The following VPS53 variants were observed in gnomAD, a reference collection of about 807,000 sequenced individuals.
VPS53 encodes the protein VPS53 subunit of GARP complex.
In VPS53, 70 loss-of-function variants were observed where a neutral mutation model predicts 107.0. That is an observed-to-expected ratio of 0.65 (90% confidence interval 0.54 to 0.80). The LOEUF (loss-of-function observed/expected upper bound fraction) is 0.80, where lower values mean the gene tolerates loss of function less well. VPS53 is among the 30% of genes least tolerant of loss of function. The pLI is 0.00. For missense variants in VPS53, 917 were observed against 1,049.4 expected, an observed-to-expected ratio of 0.87 and a Z score of 1.74; for synonymous variants, 409 against 393.3, an observed-to-expected ratio of 1.04 and a Z score of -0.47.
intron 13 of VPS53, among the ~76,000 whole-genome samples, chr17:578,680 C>T (rs1302539798): frequency 6.6e-6 from 1 of 151,436 alleles, no homozygotes; most frequent in Admixed American, 6.6e-5. Context: ...TCCCTGAGAA[C>T]CTAATTCCTT....
chr17:626,251 GATATA>G (rs1426256009), intron 10 of VPS53, among the ~76,000 whole-genome samples: 2 of 151,888 alleles, frequency 1.3e-5, no homozygotes, highest in Non-Finnish European at 2.9e-5. Flanking sequence ...CTTTGTCATA[GATATA>G]CTGATTTAAC....
chr17:622,160 C>T (rs997080044), intron 11 of VPS53, among the ~76,000 whole-genome samples: 4 of 151,548 alleles, frequency 2.6e-5, no homozygotes, highest in African/African-American at 9.7e-5. Context: ...TGCAGTGGGC[C>T]GATATCGCCC....
intron 4 of VPS53, among the ~76,000 whole-genome samples, chr17:679,064 A>G (rs1972284493): frequency 6.6e-6 from 1 of 152,226 alleles, no homozygotes; most frequent in South Asian, 2.1e-4. Context: ...CAGAGATGAA[A>G]GCAGTAAAAT....
At chr17:705,302 CTTAGGGCCAGGCACAG>C (rs1292210930) in intron 2 of VPS53, among the ~76,000 whole-genome samples, 1 of 151,984 alleles carries the variant, frequency 6.6e-6, no homozygotes, top group East Asian at 1.9e-4. Context: ...AAATTCTTAA[CTTAGGGCCAGGCACAG>C]TGGCTCAAAT....
chr17:601,185 C>T (rs1968308134), intron 12 of VPS53: 1 of 152,224 alleles, frequency 6.6e-6, no homozygotes, highest in African/African-American at 2.4e-5. Context: ...TTGCTCTAAC[C>T]TCCCTTGTCA....
intron 5 of VPS53, among the ~76,000 whole-genome samples, chr17:658,991 A>G (rs942682675): frequency 1.3e-5 from 2 of 152,098 alleles, no homozygotes; most frequent in African/African-American, 4.8e-5. Context: ...TTCCCCATCA[A>G]GCCTTCTCTC....
At chr17:654,345 A>C (rs1971086964) in intron 6 of VPS53, among the ~76,000 whole-genome samples, 1 of 152,184 alleles carries the variant, frequency 6.6e-6, no homozygotes, top group Non-Finnish European at 1.5e-5. Flanking sequence ...ATCAAGTTAC[A>C]CACAGGGAGG....
At chr17:680,809 T>C (rs544484215) in intron 4 of VPS53, among the ~76,000 whole-genome samples, 2 of 152,218 alleles carry the variant, frequency 1.3e-5, no homozygotes, top group Non-Finnish European at 2.9e-5. Flanking sequence ...AGATACACTA[T>C]GTAAAGTGCC....
intron 4 of VPS53, among the ~76,000 whole-genome samples, chr17:667,313 T>C (rs1971735795): frequency 6.6e-6 from 1 of 151,778 alleles, no homozygotes; most frequent in Non-Finnish European, 1.5e-5. Context: ...ACTTTTTTTT[T>C]CAAGAAGTTT....
chr17:699,527 G>A (rs1973117169), intron 2 of VPS53, 147 bp from the exon 3 acceptor site: 14 of 512,244 alleles, frequency 2.7e-5, no homozygotes, highest in South Asian at 5.5e-5. Flanking sequence ...AAAAAAAAAA[G>A]TAAAGCAGTA....
At chr17:647,917 A>G (rs560244103) in intron 7 of VPS53, among the ~76,000 whole-genome samples, 37 of 152,364 alleles carry the variant, frequency 2.4e-4, no homozygotes, top group African/African-American at 8.2e-4. Context: ...AAAGACATGA[A>G]GGTGGCGATA....
rs537548806 is a variant in VPS53 at position 664,437 on chromosome 17, G to C, written c.286-2542C>G. Among the ~76,000 whole-genome samples, 90 of 152,270 alleles carry C rather than the reference G, an allele frequency of 5.9e-4. 1 individual carries two copies. The highest frequency in any genetic ancestry group is 4.1e-4 in the Non-Finnish European group (28 of 68,028). ...AATGTGAAGATCCTGACAGAGAAAA[G>C]ACCTCGGTGTTTTGGAGGTCCGAAA... On this transcript the variant is annotated intron_variant, in intron 4 of 21. Transcript: ENST00000437048.
At chr17:541,689 C>T (rs1910678651) in intron 17 of VPS53, among the ~76,000 whole-genome samples, 1 of 144,034 alleles carries the variant, frequency 6.9e-6, no homozygotes, top group Non-Finnish European at 1.5e-5. Context: ...TTATCAAGCA[C>T]CTACCACGCA....
At chr17:697,581 G>GC in intron 3 of VPS53, 97 bp from the exon 4 acceptor site, 1 of 984,780 alleles carries the variant, frequency 1.0e-6, no homozygotes, top group South Asian at 1.4e-5. Context: ...ATCAACTTCT[G>GC]CAGACTGCAC....
At chr17:709,558 G>A (rs904967085) in intron 2 of VPS53, among the ~76,000 whole-genome samples, 5 of 152,190 alleles carry the variant, frequency 3.3e-5, no homozygotes, top group Non-Finnish European at 4.4e-5. Context: ...GACGGCATTC[G>A]CCAGGGTCTC....
intron 6 of VPS53, among the ~76,000 whole-genome samples, chr17:653,716 T>C (rs568982026): frequency 6.6e-6 from 1 of 152,346 alleles, no homozygotes; most frequent in South Asian, 2.1e-4. Flanking sequence ...GTGTGAGTGA[T>C]GAATTCTCAT....
chr17:561,271 C>A (rs766057217), intron 14 of VPS53, among the ~76,000 whole-genome samples: 2 of 152,238 alleles, frequency 1.3e-5, no homozygotes, highest in Non-Finnish European at 1.5e-5. Flanking sequence ...GCCCCAGCTA[C>A]TGAGTGAGTT....
At chr17:582,004 T>C (rs563952806) in intron 13 of VPS53, among the ~76,000 whole-genome samples, 5 of 151,336 alleles carry the variant, frequency 3.3e-5, no homozygotes, top group African/African-American at 1.2e-4. Flanking sequence ...ACCTAATGCG[T>C]TCCCAGAGAA....
chr17:532,970 A>G (rs1455523867), intron 18 of VPS53, 59 bp from the exon 19 acceptor site: 9 of 1,579,624 alleles, frequency 5.7e-6, no homozygotes, highest in Non-Finnish European at 7.8e-6. Flanking sequence ...AAGAAATGCA[A>G]AAACTTTAAG....
Sources: gnomAD v4.1 joint callset for allele counts (sites outside exome capture counted in the v4.1 genomes callset) on GRCh38, gnomAD v4.1.1 for gene constraint, MANE v1.5 for transcripts, NCBI Gene and HGNC (gene_info 2026-07-23, HGNC 2026-07-21) for gene names.